PARP10: variants seen among roughly 807,000 people sequenced by gnomAD.
PARP10 encodes protein mono-ADP-ribosyltransferase PARP10.
A neutral mutation model predicts 82.4 loss-of-function variants in PARP10; 56 were observed. The ratio of observed to expected loss-of-function variants is 0.68; its 90% CI spans 0.55 to 0.85. The LOEUF is 0.85. PARP10 is among the 40% of genes least tolerant of loss of function. The probability of loss-of-function intolerance (pLI) is 0.00; values close to 1 mark genes in which losing one functional copy is unlikely to be tolerated. For synonymous variants in PARP10, 576 were observed against 601.1 expected (o/e 0.96, Z 0.61); for missense variants, 1,227 against 1,379.4 (o/e 0.89, Z 1.75).
chr8:143,998,941 C>G (rs1168885442), intron 1 of PARP10, among the ~76,000 whole-genome samples: 2 of 125,324 alleles, frequency 1.6e-5, no homozygotes, highest in Non-Finnish European at 3.3e-5. Flanking sequence ...CAGAGTGAGA[C>G]CCTGTTTAAA....
upstream of PARP10, chr8:143,991,341 G>A: frequency 7.3e-7 from 1 of 1,377,038 alleles, no homozygotes; most frequent in Non-Finnish European, 9.9e-7. Flanking sequence ...CTACCCTGGG[G>A]CCCCTTACCC....
chr8:143,992,699 C>A, upstream of PARP10: 6 of 1,613,960 alleles, frequency 3.7e-6, no homozygotes, highest in Non-Finnish European at 5.1e-6. Flanking sequence ...CAGTTCCTCG[C>A]AGTGGACACC....
intron 1 of PARP10, among the ~76,000 whole-genome samples, chr8:144,005,367 A>C (rs191618521): frequency 0.017 from 2,534 of 152,180 alleles, 55 homozygotes; most frequent in African/African-American, 0.057. Flanking sequence ...GCAGAGCACC[A>C]GTATTTGCTC....
chr8:143,983,369 C>A lies in PARP10; in HGVS notation c.2220G>T (p.Gly740=). 2 of 1,606,490 alleles carry A rather than the reference C, an allele frequency of 1.2e-6. No individual in the cohort carries two copies. The highest frequency in any genetic ancestry group is 8.5e-7 in the Non-Finnish European group (1 of 1,178,834). The change falls in exon 8 of 11, where the codon GGG becomes GGT. Residue 740 remains glycine, a synonymous_variant. Transcript: ENST00000313028. ...CTGCAGGCAGTGTGCGGCGCCAGGG[C>A]CCCACCGTCTCCTCCTGGACGTGGA... The part of the protein sequence containing the change: ...LEVHVQEETV[G]PWRRTLPAEL...
intron 9 of PARP10, among the ~76,000 whole-genome samples, chr8:143,982,422 C>G (rs149212465): frequency 0.04 from 6,023 of 152,112 alleles, 410 homozygotes; most frequent in African/African-American, 0.14. Flanking sequence ...TGCCGTGAGC[C>G]GAGATCGTGC....
chr8:144,007,182 T>G (rs1554752139), intron 1 of PARP10, among the ~76,000 whole-genome samples: 1 of 152,222 alleles, frequency 6.6e-6, no homozygotes, highest in Non-Finnish European at 1.5e-5. Context: ...GAGGGGTACC[T>G]GGATGACCCC....
Position 143,983,174 on chromosome 8 carries a change from G to A in PARP10, c.2415C>T (p.Gly805=). The change falls in exon 8 of 11, where the codon GGC becomes GGT. Residue 805 remains glycine (G), a synonymous_variant. Coordinates refer to ENST00000313028, the MANE Select transcript of PARP10 (RefSeq NM_032789.5). ...QSLAFPLAAS[G]PTLAGQTLKG... ...TCCAGGAGGTAGACTCACAGGTAGG[G>A]CCTGAAGCTGCCAAGGGAAAGGCCA... The A allele has an allele frequency of 6.2e-7, 1 of 1,613,438 alleles. No individual in the cohort carries two copies.
Position 143,985,601 on chromosome 8 carries a change from TCCCCTCCAGGCCCAGATTCTGGG to T in PARP10, c.461_483del (p.Ala154AspfsTer35), listed in dbSNP as rs782225630. The T allele has an allele frequency of 6.2e-7, 1 of 1,613,758 alleles. No homozygotes were observed. Among genetic ancestry groups the T allele is most frequent in the East Asian group, 2.2e-5 (1 of 44,868 alleles). On this transcript the variant is annotated frameshift_variant, in exon 4 of 11. Coordinates refer to ENST00000313028, the MANE Select transcript of PARP10 (RefSeq NM_032789.5). LOFTEE classifies it high-confidence loss of function. ...GGAACCCGGGCCAGGGACACCAAGG[TCCCCTCCAGGCCCAGATTCTGGG>T]CCTGCTCCTCCAGGACACGGACATC...
At chr8:143,991,421 A>G (rs1834092908), upstream of PARP10, 11 of 1,392,596 alleles carry the variant, frequency 7.9e-6, no homozygotes, top group Non-Finnish European at 1.1e-5. Context: ...CCTACCCCCA[A>G]GGGGGCTACC....
At position 143,981,392 on chromosome 8, in the gene PARP10, GTGA is replaced by G. The variant is rs1402114987; in HGVS notation, c.2556+1537_2556+1539del. On this transcript the variant is annotated intron_variant, in intron 9 of 10. Transcript: ENST00000313028. Reference sequence around the variant, plus strand: ...ACGACAGTGAGTGGTGAAGGTGATGGTGATGATGGTGGTGACGACAGTGAGTGG... The same window carrying G: ...ACGACAGTGAGTGGTGAAGGTGATGGTGATGGTGGTGACGACAGTGAGTGG... 1.4e-3 allele frequency among the ~76,000 whole-genome samples: 118 copies of G among 84,672 alleles called. 1 individual carries two copies. Among genetic ancestry groups the G allele is most frequent in the South Asian group, 8.3e-3 (17 of 2,056 alleles). The allele number at this position is 84,672 out of a possible 152,430, so 55.5% of individuals were successfully genotyped here.
At chr8:143,978,192 T>C (rs1833756093) in intron 9 of PARP10, 111 bp from the exon 10 acceptor site, 2 of 1,250,584 alleles carry the variant, frequency 1.6e-6, no homozygotes, top group Non-Finnish European at 2.1e-6. Context: ...AGTCCAGGGT[T>C]TGAGGGAGCC....
rs782039077 is a variant in PARP10, at chr8:143,985,970, C to T, written c.187G>A (p.Glu63Lys). The T allele has an allele frequency of 5.0e-6, 8 of 1,590,586 alleles. No homozygotes were observed. Among genetic ancestry groups the T allele is most frequent in the Non-Finnish European group, 6.0e-6 (7 of 1,164,250 alleles). The change falls in exon 3 of 11, where the codon GAG becomes AAG. Residue 63 changes from glutamate (E) to lysine (K), a missense_variant. Glu to Lys is a moderately conservative substitution (Grantham distance 56, BLOSUM62 1). Coordinates refer to ENST00000313028, the MANE Select transcript of PARP10 (RefSeq NM_032789.5). ...VLTFREPADA[E>K]RVLAQADHEL... ...TGATCTGCCTGGGCCAAGACCCTCT[C>T]GGCGTCTGTGGGCAGGGGCGGGGCA...
rs781950707 is a variant in PARP10 at position 143,984,261 on chromosome 8, GAC to G, written c.1627_1628del (p.Val543LeufsTer16). 4.6e-5 allele frequency: 74 copies of G among 1,613,972 alleles called. No homozygotes were observed. The highest frequency in any genetic ancestry group is 5.9e-5 in the Non-Finnish European group (70 of 1,179,992). ...LQGLEAQFQC[V>X]FGTERLATAT... ...CTGTGGCCAGGCGCTCTGTCCCAAA[GAC>G]ACACTGGAACTGAGCCTCCAGCCCC... is the stretch of plus-strand genomic sequence containing the variant. On this transcript the variant is annotated frameshift_variant, in exon 6 of 11. Transcript: ENST00000313028. LOFTEE classifies it high-confidence loss of function.
Position 143,985,868 on chromosome 8 carries a change from G to A in PARP10, c.289C>T (p.Pro97Ser), listed in dbSNP as rs782729941. Residue 97 changes from proline to serine, a missense_variant, in exon 3 of 11, where the codon CCC becomes TCC. By Grantham distance (74) the Pro-to-Ser change is moderately conservative. Coordinates refer to ENST00000313028, the MANE Select transcript of PARP10 (RefSeq NM_032789.5). ...APARLLLQGL[P>S]PGTTPQRLEQ... Reference sequence around the variant, plus strand: ...AAGCGCTGGGGCGTGGTGCCAGGGGGCAGTCCTTGGAGCAGCAGGCGTGCA... The same window carrying A: ...AAGCGCTGGGGCGTGGTGCCAGGGGACAGTCCTTGGAGCAGCAGGCGTGCA... The A allele has an allele frequency of 1.9e-6, 3 of 1,606,972 alleles. No homozygotes were observed. Among genetic ancestry groups the A allele is most frequent in the South Asian group, 2.2e-5 (2 of 90,656 alleles).
At position 143,985,088 on chromosome 8, in the gene PARP10, C is replaced by T; in HGVS notation, c.914G>A (p.Gly305Glu). ...CATGGGACCTGTCCTCAGAGAGGCCCCTGACTGCCCTGGTTCCTCGCCAGA... is the reference window on the plus strand; with the variant it reads ...CATGGGACCTGTCCTCAGAGAGGCCTCTGACTGCCCTGGTTCCTCGCCAGA... ...MGSGEEPGQS[G>E]ASLRTGPMVQ... Residue 305 changes from glycine to glutamate, a missense_variant, in exon 5 of 11, where the codon GGG becomes GAG. Gly to Glu is a moderately conservative substitution (Grantham distance 98). Transcript: ENST00000313028. 1 of 1,613,998 alleles carries T rather than the reference C, an allele frequency of 6.2e-7. No individual in the cohort carries two copies. The highest frequency in any genetic ancestry group is 8.5e-7 in the Non-Finnish European group (1 of 1,180,008).
At chr8:144,012,212 G>T (rs782313512) in intron 1 of PARP10, among the ~76,000 whole-genome samples, 1 of 152,236 alleles carries the variant, frequency 6.6e-6, no homozygotes, top group Non-Finnish European at 1.5e-5. Context: ...AACTTGCGGT[G>T]GGGGAGAGGA....
At chr8:143,994,945 G>A (rs550548116), upstream of PARP10, among the ~76,000 whole-genome samples, 61 of 127,802 alleles carry the variant, frequency 4.8e-4, no homozygotes, top group African/African-American at 1.9e-3. Context: ...TAACGAGAAC[G>A]TCAGGGCGGG....
Position 143,983,084 on chromosome 8 carries a change from C to A in PARP10, c.2423-19G>T. On this transcript the variant is annotated intron_variant, in intron 8 of 10. Transcript: ENST00000313028. ...CCCGCCACTGATGCATGGGGAAAAG[C>A]GGGGGGTCAGAGCCATGCCTGGGGC... The A allele has an allele frequency of 1.2e-6, 2 of 1,613,796 alleles. No individual in the cohort carries two copies. The highest frequency in any genetic ancestry group is 2.2e-5 in the East Asian group (1 of 44,886).
At chr8:143,996,893 A>G (rs145409651) in intron 1 of PARP10, among the ~76,000 whole-genome samples, 192 of 152,266 alleles carry the variant, frequency 1.3e-3, no homozygotes, top group African/African-American at 4.4e-3. Flanking sequence ...GTAGGCAGTG[A>G]TCATCCTTGA....
Sources: gnomAD v4.1 joint callset for allele counts (sites outside exome capture counted in the v4.1 genomes callset) on GRCh38, gnomAD v4.1.1 for gene constraint, MANE v1.5 for transcripts, NCBI Gene and HGNC (gene_info 2026-07-23, HGNC 2026-07-21) for gene names.